The following PLCE1 variants were observed in gnomAD, a reference collection of about 807,000 sequenced individuals.
The protein encoded by PLCE1 is phospholipase C epsilon 1.
A neutral mutation model predicts 242.8 loss-of-function variants in PLCE1; 119 were observed. The observed-to-expected ratio is 0.49, with a 90% confidence interval of 0.42 to 0.57. The LOEUF is 0.57. Among genes scored for constraint, PLCE1 ranks in the 20% least tolerant of loss-of-function variants. PLCE1 has a pLI of 0.00. For synonymous variants in PLCE1, 945 were observed against 1,017.4 expected (o/e 0.93, Z 1.35); for missense variants, 2,441 against 2,788.8 (o/e 0.88, Z 2.81).
chr10:94,317,467 G>C (rs975908943), intron 29 of PLCE1, among the ~76,000 whole-genome samples: 1 of 152,120 alleles, frequency 6.6e-6, no homozygotes, highest in African/African-American at 2.4e-5. Flanking sequence ...TTTCTATTCT[G>C]GGGATGACTG....
rs973537952 is a variant in PLCE1, at chr10:94,246,302, C to T, written c.2777C>T (p.Ala926Val). 1.9e-6 allele frequency: 3 copies of T among 1,614,046 alleles called. No individual in the cohort carries two copies. Among genetic ancestry groups the T allele is most frequent in the Middle Eastern group, 1.6e-4 (1 of 6,084 alleles). ...EPGKFPLLGNAGLSSLTEGVL... is the reference protein window; with the variant it reads ...EPGKFPLLGNVGLSSLTEGVL... The stretch of plus-strand genomic sequence containing the variant: ...GGAAAATTCCCACTACTGGGTAATG[C>T]TGGATTAAGTAGCCTGACGGAAGGG... Residue 926 changes from alanine (A) to valine (V), a missense_variant, in exon 8 of 33, where the codon GCT (alanine) becomes GTT (valine). This residue lies in a region of PLCE1 where 733 missense variants were observed against 754.2 expected (regional missense o/e 0.97). Transcript: ENST00000371380.
chr10:94,255,448 A>T (rs1389894726), intron 11 of PLCE1, among the ~76,000 whole-genome samples: 1 of 152,232 alleles, frequency 6.6e-6, no homozygotes, highest in Non-Finnish European at 1.5e-5. Flanking sequence ...TATTATCCCA[A>T]AGAGTGTAGA....
chr10:94,266,892 A>T (rs1424252730), intron 16 of PLCE1, among the ~76,000 whole-genome samples: 1 of 152,194 alleles, frequency 6.6e-6, no homozygotes, highest in Non-Finnish European at 1.5e-5. Flanking sequence ...ATGAATGAAG[A>T]TGTGTTCTTA....
chr10:94,022,389 A>G (rs944561899), intron 1 of PLCE1, among the ~76,000 whole-genome samples: 2 of 152,006 alleles, frequency 1.3e-5, no homozygotes, highest in Non-Finnish European at 2.9e-5. Context: ...ATTAAAGAAG[A>G]TATGCATATA....
chr10:94,230,786 T>A (rs2050116995), intron 5 of PLCE1, among the ~76,000 whole-genome samples: 1 of 152,000 alleles, frequency 6.6e-6, no homozygotes. Context: ...TTAAAAAAAT[T>A]TTTTTAGAGA....
At chr10:94,271,853 C>T (rs7086081) in intron 18 of PLCE1, among the ~76,000 whole-genome samples, 17 of 151,960 alleles carry the variant, frequency 1.1e-4, no homozygotes, top group South Asian at 2.1e-4. Flanking sequence ...CTGCTGGGGG[C>T]GACATCACAT....
chr10:94,145,956 G>A (rs1311729868), intron 3 of PLCE1, among the ~76,000 whole-genome samples: 1 of 152,090 alleles, frequency 6.6e-6, no homozygotes, highest in Non-Finnish European at 1.5e-5. Context: ...GTGCCAGGGT[G>A]AGAATGTGTG....
chr10:94,230,811 G>A (rs994263263), intron 5 of PLCE1, among the ~76,000 whole-genome samples: 1 of 151,408 alleles, frequency 6.6e-6, no homozygotes, highest in Non-Finnish European at 1.5e-5. Context: ...GTCTTTCTAT[G>A]TTTCCCAGGC....
chr10:94,324,469 T>A lies in PLCE1; in HGVS notation c.6622T>A (p.Ser2208Thr). 6.2e-7 allele frequency: 1 copy of A among 1,614,148 alleles called. No individual in the cohort carries two copies. Among genetic ancestry groups the A allele is most frequent in the East Asian group, 2.2e-5 (1 of 44,882 alleles). Residue 2208 changes from serine (S) to threonine (T), a missense_variant, in exon 31 of 33, where the codon TCT (serine) becomes ACT (threonine). By Grantham distance (58) the Ser-to-Thr change is moderately conservative. Coordinates refer to ENST00000371380, the MANE Select transcript of PLCE1 (RefSeq NM_016341.4). ...CAAGAAGACTACCACACCAAAGTCC[T>A]CTCAGCGGGTCCTTCTGGATCAGGA... is the stretch of plus-strand genomic sequence containing the variant. The part of the protein sequence containing the change: ...TNKKTTTPKS[S>T]QRVLLDQECV...
At chr10:94,290,495 C>T (rs2133415849) in intron 22 of PLCE1, among the ~76,000 whole-genome samples, 1 of 130,772 alleles carries the variant, frequency 7.6e-6, no homozygotes, top group South Asian at 2.4e-4. Flanking sequence ...CCCACATTAG[C>T]CTCGATCTAC....
intron 2 of PLCE1, among the ~76,000 whole-genome samples, chr10:94,106,814 C>A (rs1184480713): frequency 6.6e-6 from 1 of 151,246 alleles, no homozygotes; most frequent in Non-Finnish European, 1.5e-5. Context: ...TGCCTCTATG[C>A]CTCTCTTTTT....
intron 23 of PLCE1, among the ~76,000 whole-genome samples, chr10:94,295,852 A>T (rs1329286874): frequency 1.3e-5 from 2 of 152,236 alleles, no homozygotes; most frequent in Non-Finnish European, 1.5e-5. Context: ...CCATCTATAG[A>T]ATACAGGCAG....
intron 4 of PLCE1, among the ~76,000 whole-genome samples, chr10:94,173,354 C>G (rs531113631): frequency 1.3e-5 from 2 of 152,150 alleles, no homozygotes; most frequent in East Asian, 3.9e-4. Context: ...TGTCACTGCC[C>G]CAAAGTTGTT....
chr10:94,187,106 T>C (rs1002733877), intron 4 of PLCE1, among the ~76,000 whole-genome samples: 1 of 151,350 alleles, frequency 6.6e-6, no homozygotes, highest in Non-Finnish European at 1.5e-5. Context: ...TTGCCCAATA[T>C]CACATAGGTT....
At chr10:94,065,332 A>G (rs532680742) in intron 2 of PLCE1, among the ~76,000 whole-genome samples, 1 of 152,302 alleles carries the variant, frequency 6.6e-6, no homozygotes, top group Non-Finnish European at 1.5e-5. Context: ...CTCTGGGGCC[A>G]TAGCTCATGT....
chr10:94,171,158 G>T, intron 3 of PLCE1, 22 bp from the exon 4 acceptor site: 2 of 1,607,646 alleles, frequency 1.2e-6, no homozygotes, highest in South Asian at 2.2e-5. Flanking sequence ...ATGTAACCAC[G>T]ACTTCTGTTG....
At chr10:94,138,001 GC>G in intron 3 of PLCE1, 1 of 382,268 alleles carries the variant, frequency 2.6e-6, no homozygotes, top group Non-Finnish European at 5.2e-6. Flanking sequence ...AGTACAGCCA[GC>G]AGGCACAGAG....
At chr10:94,189,165 A>G (rs1010581719) in intron 4 of PLCE1, among the ~76,000 whole-genome samples, 2 of 151,084 alleles carry the variant, frequency 1.3e-5, no homozygotes, top group East Asian at 3.9e-4. Context: ...TCTCAAATAT[A>G]CTTAACCTGG....
Position 94,306,539 on chromosome 10 carries a change from A to G in PLCE1, c.5735A>G (p.His1912Arg). Residue 1912 changes from histidine (H) to arginine (R), a missense_variant, in exon 26 of 33, where the codon CAT becomes CGT. By Grantham distance (29) the His-to-Arg change is conservative. Coordinates refer to ENST00000371380, the MANE Select transcript of PLCE1 (RefSeq NM_016341.4). The surrounding 1 kb of genome is among the most constrained non-coding windows in gnomAD (Gnocchi z 5.7). ...TGCCATTTCCGCACAAAGCCCATCC[A>G]TCGAAACACCCTGAACCCCATGTGG... is the stretch of plus-strand genomic sequence containing the variant. Reference protein sequence around the residue: ...DSCHFRTKPIHRNTLNPMWNE... With the variant: ...DSCHFRTKPIRRNTLNPMWNE... 1 of 1,614,156 alleles carries G rather than the reference A, an allele frequency of 6.2e-7. No homozygotes were observed. The highest frequency in any genetic ancestry group is 8.5e-7 in the Non-Finnish European group (1 of 1,180,012).
Sources: gnomAD v4.1 joint callset for allele counts (sites outside exome capture counted in the v4.1 genomes callset) on GRCh38, gnomAD v4.1.1 for gene constraint, gnomAD v4.1.1 regional missense constraint, Gnocchi (gnomAD v3.1) non-coding constraint, MANE v1.5 for transcripts, NCBI Gene and HGNC (gene_info 2026-07-23, HGNC 2026-07-21) for gene names.